The following CHIC2 variants were observed in gnomAD, a reference collection of about 807,000 sequenced individuals.
CHIC2 encodes cysteine-rich hydrophobic domain-containing protein 2.
In CHIC2, 14 loss-of-function variants were observed where a neutral mutation model predicts 25.9. That is an observed-to-expected ratio of 0.54 (90% CI 0.36 to 0.85). CHIC2 has a LOEUF of 0.85. CHIC2 is among the 40% of genes least tolerant of loss of function. The probability of loss-of-function intolerance (pLI) is 0.01; values close to 1 mark genes in which losing one functional copy is unlikely to be tolerated. For missense variants in CHIC2, 146 were observed against 202.0 expected (o/e 0.72, Z 1.68); for synonymous variants, 70 against 72.0 (o/e 0.97, Z 0.14).
At chr4:54,042,123 C>T (rs778007064) in intron 3 of CHIC2, among the ~76,000 whole-genome samples, 1 of 152,012 alleles carries the variant, frequency 6.6e-6, no homozygotes. Context: ...GTCACTCTTA[C>T]CATGGTTATG....
intron 3 of CHIC2, among the ~76,000 whole-genome samples, chr4:54,017,933 G>A (rs1715787515): frequency 6.6e-6 from 1 of 152,144 alleles, no homozygotes; most frequent in African/African-American, 2.4e-5. Flanking sequence ...CTTTGTGAAA[G>A]TAAAAATTAA....
At chr4:54,046,530 C>G (rs374102592) in intron 3 of CHIC2, among the ~76,000 whole-genome samples, 81 of 152,178 alleles carry the variant, frequency 5.3e-4, no homozygotes, top group Non-Finnish European at 7.8e-4. Context: ...ACAAACCTGA[C>G]AAAAACAAGA....
chr4:54,022,122 C>T (rs1483844702), intron 3 of CHIC2, among the ~76,000 whole-genome samples: 1 of 152,130 alleles, frequency 6.6e-6, no homozygotes, highest in Non-Finnish European at 1.5e-5. Flanking sequence ...TGCCCTGCAG[C>T]CCGGGATTCC....
At chr4:54,051,245 C>A (rs1387036124) in intron 1 of CHIC2, among the ~76,000 whole-genome samples, 1 of 151,996 alleles carries the variant, frequency 6.6e-6, no homozygotes, top group Non-Finnish European at 1.5e-5. Flanking sequence ...TCATTTTGAA[C>A]ATACTCCAAC....
chr4:54,051,345 G>GA (rs1249360714), intron 1 of CHIC2, among the ~76,000 whole-genome samples: 3 of 151,932 alleles, frequency 2.0e-5, no homozygotes, highest in Admixed American at 6.6e-5. Flanking sequence ...AGCTACTGGA[G>GA]AAAAATCACA....
intron 3 of CHIC2, among the ~76,000 whole-genome samples, chr4:54,030,866 T>C (rs1716208006): frequency 6.6e-6 from 1 of 150,800 alleles, no homozygotes; most frequent in African/African-American, 2.4e-5. Context: ...AAAATAAAAA[T>C]TAACATTGAG....
intron 1 of CHIC2, chr4:54,060,756 C>T (rs1461256045): frequency 6.6e-6 from 1 of 152,086 alleles, no homozygotes; most frequent in African/African-American, 2.4e-5. Context: ...GTCAAGACTA[C>T]CTAATAGTCT....
chr4:54,090,834 G>T, the CHIC2 span, among the ~76,000 whole-genome samples: 28 of 152,176 alleles, frequency 1.8e-4, no homozygotes, highest in African/African-American at 6.3e-4. Flanking sequence ...TGATTTCAAT[G>T]CATCGTCTTA....
chr4:54,023,112 C>T (rs1715951351), intron 3 of CHIC2, among the ~76,000 whole-genome samples: 1 of 152,134 alleles, frequency 6.6e-6, no homozygotes, highest in African/African-American at 2.4e-5. Flanking sequence ...TAAAAACAGC[C>T]CTAGAAGCTG....
At chr4:54,079,711 T>G in the CHIC2 span, among the ~76,000 whole-genome samples, 5 of 151,986 alleles carry the variant, frequency 3.3e-5, no homozygotes, top group African/African-American at 1.2e-4. Flanking sequence ...AAAACCACAA[T>G]GGGATATCAC....
At chr4:54,014,421 C>A (rs1715683437) in intron 3 of CHIC2, among the ~76,000 whole-genome samples, 1 of 152,074 alleles carries the variant, frequency 6.6e-6, no homozygotes, top group Admixed American at 6.6e-5. Context: ...CCACTTCTTT[C>A]AAAAATGTTT....
chr4:54,044,764 A>C (rs993651724), intron 3 of CHIC2, among the ~76,000 whole-genome samples: 6 of 152,166 alleles, frequency 3.9e-5, no homozygotes, highest in Admixed American at 2.6e-4. Context: ...AAACACATTC[A>C]AAAGCTAGCA....
intron 3 of CHIC2, among the ~76,000 whole-genome samples, chr4:54,020,442 G>A (rs1046708233): frequency 6.6e-6 from 1 of 152,160 alleles, no homozygotes; most frequent in African/African-American, 2.4e-5. Context: ...CTGCACCCAG[G>A]TGAAATAAAC....
intron 3 of CHIC2, among the ~76,000 whole-genome samples, chr4:54,019,723 C>T (rs1250247090): frequency 6.6e-6 from 1 of 151,932 alleles, no homozygotes; most frequent in Non-Finnish European, 1.5e-5. Context: ...TTTTGAGGTC[C>T]CCATCTGACC....
chr4:54,015,905 G>A (rs1244853580), intron 3 of CHIC2, among the ~76,000 whole-genome samples: 1 of 152,188 alleles, frequency 6.6e-6, no homozygotes, highest in Non-Finnish European at 1.5e-5. Context: ...CATTGACAGA[G>A]CTCATTGACT....
chr4:54,049,729 T>C (rs1373568671), intron 1 of CHIC2, among the ~76,000 whole-genome samples: 1 of 151,334 alleles, frequency 6.6e-6, no homozygotes, highest in Non-Finnish European at 1.5e-5. Context: ...AGCAATAAGA[T>C]GAGAAGGAAA....
intron 3 of CHIC2, among the ~76,000 whole-genome samples, chr4:54,032,876 T>G (rs904709633): frequency 6.6e-6 from 1 of 152,170 alleles, no homozygotes; most frequent in Non-Finnish European, 1.5e-5. Flanking sequence ...CTAAATCTCA[T>G]GTTGAAATGT....
intron 1 of CHIC2, chr4:54,060,650 G>A (rs1213881736): frequency 6.6e-6 from 1 of 152,086 alleles, no homozygotes; most frequent in Non-Finnish European, 1.5e-5. Context: ...AGTTACCACT[G>A]TGAAAAACGA....
the CHIC2 span, among the ~76,000 whole-genome samples, chr4:54,070,272 G>C: frequency 2.6e-5 from 4 of 152,232 alleles, no homozygotes; most frequent in African/African-American, 9.6e-5. Context: ...TGAGGTCAAA[G>C]AGGCTGGTGG....
Sources: gnomAD v4.1 joint callset for allele counts (sites outside exome capture counted in the v4.1 genomes callset) on GRCh38, gnomAD v4.1.1 for gene constraint, MANE v1.5 for transcripts, NCBI Gene and HGNC (gene_info 2026-07-23, HGNC 2026-07-21) for gene names.